LOC728743: variants seen among roughly 807,000 people sequenced by gnomAD.
At chr7:150,401,338 G>GC in the LOC728743 span, among the ~76,000 whole-genome samples, 1 of 152,230 alleles carries the variant, frequency 6.6e-6, no homozygotes, top group Non-Finnish European at 1.5e-5. Flanking sequence ...GCTGCCTGAC[G>GC]GAGGGTAGAC....
the LOC728743 span, chr7:150,408,308 CCT>C: frequency 5.5e-6 from 2 of 362,200 alleles, no homozygotes; most frequent in Non-Finnish European, 9.9e-6. Flanking sequence ...GCCGCAGCTC[CCT>C]CTCTAGATGG....
the LOC728743 span, among the ~76,000 whole-genome samples, chr7:150,402,151 G>A: frequency 6.6e-6 from 1 of 152,060 alleles, no homozygotes; most frequent in Non-Finnish European, 1.5e-5. Flanking sequence ...CCCATGGAAA[G>A]GGAAAAAAGG....
At chr7:150,407,715 A>G in the LOC728743 span, 1 of 399,736 alleles carries the variant, frequency 2.5e-6, no homozygotes, top group Non-Finnish European at 4.4e-6. Context: ...GCAGAGGAGC[A>G]GCCCTACCGC....
At chr7:150,408,477 G>A in the LOC728743 span, 4 of 316,746 alleles carry the variant, frequency 1.3e-5, no homozygotes, top group East Asian at 5.0e-5. Flanking sequence ...TGGCCCATCC[G>A]GCCTAGAGCA....
At chr7:150,406,439 G>C in the LOC728743 span, among the ~76,000 whole-genome samples, 2 of 152,110 alleles carry the variant, frequency 1.3e-5, no homozygotes, top group African/African-American at 2.4e-5. Context: ...TGGTGGCAGT[G>C]GGGGGTGTGT....
chr7:150,407,427 A>G, the LOC728743 span, among the ~76,000 whole-genome samples: 2 of 152,180 alleles, frequency 1.3e-5, no homozygotes, highest in African/African-American at 4.8e-5. Flanking sequence ...AGGAACACCA[A>G]TTCCCAGCAG....
chr7:150,404,610 A>T, the LOC728743 span: 1 of 152,264 alleles, frequency 6.6e-6, no homozygotes, highest in African/African-American at 2.4e-5. Flanking sequence ...CATTATCATT[A>T]AATGGCAGCT....
chr7:150,407,491 G>A, the LOC728743 span: 33 of 397,626 alleles, frequency 8.3e-5, no homozygotes, highest in Non-Finnish European at 9.7e-5. Context: ...TGGGAGGTGA[G>A]TGTCCCTGCC....
the LOC728743 span, among the ~76,000 whole-genome samples, chr7:150,404,056 T>A: frequency 2.0e-5 from 3 of 152,210 alleles, no homozygotes; most frequent in South Asian, 4.1e-4. Flanking sequence ...CATCTCTCAA[T>A]GCCCTCCATC....
chr7:150,402,476 G>C, the LOC728743 span, among the ~76,000 whole-genome samples: 1 of 152,230 alleles, frequency 6.6e-6, no homozygotes, highest in South Asian at 2.1e-4. Context: ...TGAGCTATTA[G>C]ATGTAGCTTG....
At chr7:150,412,000 C>T in the LOC728743 span, 1 of 152,640 alleles carries the variant, frequency 6.6e-6, no homozygotes, top group Admixed American at 6.5e-5. Flanking sequence ...AGCCCCTGCC[C>T]CCGAACTGCG....
chr7:150,406,778 G>A, the LOC728743 span, among the ~76,000 whole-genome samples: 1 of 152,146 alleles, frequency 6.6e-6, no homozygotes, highest in Non-Finnish European at 1.5e-5. Flanking sequence ...CTCAGCCTTG[G>A]GCCAGGCTTT....
chr7:150,408,961 C>T, the LOC728743 span, among the ~76,000 whole-genome samples: 1 of 152,196 alleles, frequency 6.6e-6, no homozygotes, highest in Non-Finnish European at 1.5e-5. Flanking sequence ...CAGGCCCTGA[C>T]ACGGGGTGCT....
the LOC728743 span, chr7:150,407,577 T>C: frequency 5.0e-6 from 2 of 398,138 alleles, no homozygotes; most frequent in Non-Finnish European, 8.9e-6. Context: ...CGCTTCTGTC[T>C]CCCTAGGGAC....
At chr7:150,407,990 G>A in the LOC728743 span, 2 of 399,742 alleles carry the variant, frequency 5.0e-6, no homozygotes, top group Non-Finnish European at 4.4e-6. Context: ...GCACCAGTGC[G>A]CGCAGTGCGG....
the LOC728743 span, chr7:150,408,240 T>G: frequency 2.6e-6 from 1 of 387,588 alleles, no homozygotes; most frequent in Non-Finnish European, 4.6e-6. Flanking sequence ...CGGGGCCTGC[T>G]GCCGACGGCT....
the LOC728743 span, among the ~76,000 whole-genome samples, chr7:150,409,482 TC>T: frequency 6.6e-6 from 1 of 152,224 alleles, no homozygotes; most frequent in East Asian, 1.9e-4. Flanking sequence ...ACGGGCCTCT[TC>T]AGCCTTTTGG....
At chr7:150,408,396 C>A in the LOC728743 span, 1 of 361,020 alleles carries the variant, frequency 2.8e-6, no homozygotes, top group Non-Finnish European at 4.9e-6. Flanking sequence ...CGCCCGCTCG[C>A]GTTCCTCCCT....
the LOC728743 span, among the ~76,000 whole-genome samples, chr7:150,409,753 G>C: frequency 6.6e-6 from 1 of 152,080 alleles, no homozygotes; most frequent in Non-Finnish European, 1.5e-5. Flanking sequence ...CTGGGGCTTC[G>C]AGGGGACCTG....
Sources: gnomAD v4.1 joint callset for allele counts (sites outside exome capture counted in the v4.1 genomes callset) on GRCh38, gnomAD v4.1.1 for gene constraint, MANE v1.5 for transcripts.